CA5A: variants seen among roughly 807,000 people sequenced by gnomAD.
CA5A encodes carbonic anhydrase 5A, also known as carbonic anhydrase 5A, mitochondrial.
CA5A carries 28 observed loss-of-function variants against 37.1 expected under a neutral mutation model. That is an observed-to-expected ratio of 0.75 (90% CI 0.56 to 1.03). The LOEUF (loss-of-function observed/expected upper bound fraction) is 1.03, where lower values mean the gene tolerates loss of function less well. Among genes scored for constraint, CA5A ranks in the 50% least tolerant of loss-of-function variants. The pLI is 0.00. For missense variants in CA5A, 444 were observed against 399.9 expected, an observed-to-expected ratio of 1.11 and a Z score of -0.94; for synonymous variants, 171 against 158.4, an observed-to-expected ratio of 1.08 and a Z score of -0.60.
intron 1 of CA5A, among the ~76,000 whole-genome samples, chr16:87,931,324 C>A (rs1200065320): frequency 5.4e-4 from 82 of 150,566 alleles, no homozygotes; most frequent in African/African-American, 1.8e-3. Flanking sequence ...GTTGGCCAGG[C>A]TGTTCTCGAA....
intron 2 of CA5A, chr16:87,925,746 C>G (rs2056296958): frequency 6.6e-6 from 1 of 152,228 alleles, no homozygotes; most frequent in Admixed American, 6.5e-5. Context: ...AGCCCTTGGC[C>G]AAGCGCTGGA....
At chr16:87,919,864 C>T (rs2056206889) in intron 2 of CA5A, among the ~76,000 whole-genome samples, 1 of 152,160 alleles carries the variant, frequency 6.6e-6, no homozygotes, top group African/African-American at 2.4e-5. Context: ...CTCTTCCCAA[C>T]TCCACTATCG....
chr16:87,919,403 C>A (rs1215315079), intron 2 of CA5A, among the ~76,000 whole-genome samples: 3 of 152,234 alleles, frequency 2.0e-5, no homozygotes, highest in Non-Finnish European at 4.4e-5. Context: ...AAGCCGGGCC[C>A]CTGAGAATCA....
intron 2 of CA5A, among the ~76,000 whole-genome samples, chr16:87,914,070 G>A (rs2056093775): frequency 6.6e-6 from 1 of 152,244 alleles, no homozygotes; most frequent in Non-Finnish European, 1.5e-5. Flanking sequence ...CTGGGTCTGG[G>A]AAGGGTCTGG....
chr16:87,926,998 C>T (rs1208159269), intron 1 of CA5A, 53 bp from the exon 2 acceptor site: 2 of 1,246,014 alleles, frequency 1.6e-6, no homozygotes, highest in Non-Finnish European at 2.3e-6. Flanking sequence ...CATCCTGTGT[C>T]TTGGACGGAC....
intron 2 of CA5A, among the ~76,000 whole-genome samples, chr16:87,907,875 G>A (rs1451179633): frequency 3.9e-5 from 6 of 152,166 alleles, no homozygotes; most frequent in East Asian, 3.9e-4. Context: ...GCAGTGAGCC[G>A]AGATAGCGCC....
chr16:87,898,908 T>A (rs1037062284), intron 5 of CA5A, among the ~76,000 whole-genome samples: 16 of 152,030 alleles, frequency 1.1e-4, no homozygotes, highest in Non-Finnish European at 2.1e-4. Flanking sequence ...CTAATTTTTG[T>A]ATTTTTAGTA....
intron 2 of CA5A, among the ~76,000 whole-genome samples, chr16:87,921,553 A>G (rs1011859205): frequency 6.6e-6 from 1 of 152,114 alleles, no homozygotes; most frequent in African/African-American, 2.4e-5. Flanking sequence ...TGCCTGTACC[A>G]ATTGCTGCAG....
At chr16:87,919,877 G>A (rs929481806) in intron 2 of CA5A, among the ~76,000 whole-genome samples, 1 of 152,148 alleles carries the variant, frequency 6.6e-6, no homozygotes, top group African/African-American at 2.4e-5. Context: ...CACTATCGGT[G>A]ACTGCACCTT....
At chr16:87,924,328 C>G (rs2056272331) in intron 2 of CA5A, 1 of 984,364 alleles carries the variant, frequency 1.0e-6, no homozygotes, top group South Asian at 4.7e-5. Flanking sequence ...CAGCGTGGCT[C>G]CTTCTCACCT....
In CA5A at chr16:87,916,028, GAC is replaced by G. The variant is rs2056136743; in HGVS notation, c.340+10718_340+10719del. Among the ~76,000 whole-genome samples the G allele has an allele frequency of 2.0e-5, 3 of 151,926 alleles. 1 individual carries two copies. The South Asian group carries it at 6.2e-4, about 32-fold the overall frequency. On this transcript the variant is annotated intron_variant, in intron 2 of 6. Transcript: ENST00000649794. ...AGGTCTTGCATGGGGGCAGCCAAGA[GAC>G]AGAATGAGAACCAAGCAAAAGGGGT...
At chr16:87,892,159 A>G (rs768872255) in intron 5 of CA5A, 75 of 465,332 alleles carry the variant, frequency 1.6e-4, no homozygotes, top group Non-Finnish European at 2.5e-4. Flanking sequence ...GCCAACTTAC[A>G]TTGGTGGGAA....
intron 1 of CA5A, among the ~76,000 whole-genome samples, chr16:87,933,067 G>C (rs1231626714): frequency 6.6e-6 from 1 of 152,238 alleles, no homozygotes; most frequent in Non-Finnish European, 1.5e-5. Context: ...CCCACCCAGA[G>C]TGGGGAGCCC....
chr16:87,928,815 C>CTG (rs2056355145), intron 1 of CA5A, among the ~76,000 whole-genome samples: 1 of 126,934 alleles, frequency 7.9e-6, no homozygotes, highest in Non-Finnish European at 1.6e-5. Flanking sequence ...GTCGCCCAGG[C>CTG]TGCAGTGCAG....
chr16:87,924,144 C>T (rs925430142), intron 2 of CA5A: 84 of 985,322 alleles, frequency 8.5e-5, no homozygotes, highest in Non-Finnish European at 9.4e-5. Context: ...GGTTGTCCCA[C>T]TTTCCCTCTT....
At position 87,911,057 on chromosome 16, in the gene CA5A, C is replaced by T. The variant is rs1390546225; in HGVS notation, c.341-6153G>A. ...AGCCACTGTGCCCAGCCTAAAGTGACTTTTCATAATGACAATACAATGTCA... is the reference window on the plus strand; with the variant it reads ...AGCCACTGTGCCCAGCCTAAAGTGATTTTTCATAATGACAATACAATGTCA... On this transcript the variant is annotated intron_variant, in intron 2 of 6. Coordinates refer to ENST00000649794, the MANE Select transcript of CA5A (RefSeq NM_001739.2). This position sits in a 1 kb window ranked among gnomAD's most constrained non-coding sequence, Gnocchi z 4.6. Among the ~76,000 whole-genome samples, 4 of 141,826 alleles carry T rather than the reference C, an allele frequency of 2.8e-5. No individual in the cohort carries two copies. The highest frequency in any genetic ancestry group is 4.5e-5 in the Non-Finnish European group (3 of 66,594). The allele number at this position is 141,826 out of a possible 152,430, so 93.0% of individuals were successfully genotyped here.
intron 1 of CA5A, among the ~76,000 whole-genome samples, chr16:87,928,760 G>GTTTTTTTTTTTTTTTTTT (rs60994571): frequency 3.5e-5 from 2 of 57,936 alleles, no homozygotes; most frequent in African/African-American, 7.4e-5. Context: ...TCTTTTCTTT[G>GTTTTTTTTTTTTTTTTTT]TTTTTTTTTT....
rs530705928 is a variant in CA5A at position 87,891,256 on chromosome 16, T to C, written c.774+543A>G. Among the ~76,000 whole-genome samples, 1,174 of 150,120 alleles carry C rather than the reference T, an allele frequency of 7.8e-3. 4 individuals carry two copies. Among genetic ancestry groups the C allele is most frequent in the Non-Finnish European group, 0.012 (782 of 67,622 alleles). On this transcript the variant is annotated intron_variant, in intron 6 of 6. Coordinates refer to ENST00000649794, the MANE Select transcript of CA5A (RefSeq NM_001739.2). ...GCCAAGGTGGGCAGATCACCTGAGG[T>C]CAAGAGTTCAAGACCAGCCTGGCCA...
intron 6 of CA5A, 94 bp downstream of exon 6, chr16:87,891,705 C>G: frequency 8.9e-7 from 1 of 1,123,866 alleles, no homozygotes; most frequent in South Asian, 1.9e-5. Context: ...ATATATAACT[C>G]CACAACGCTC....
Sources: allele counts gnomAD v4.1 joint callset (sites outside exome capture counted in the v4.1 genomes callset), GRCh38; gene constraint gnomAD v4.1.1; non-coding constraint Gnocchi (gnomAD v3.1); transcripts MANE v1.5; gene names NCBI Gene and HGNC (gene_info 2026-07-23, HGNC 2026-07-21).